Variants in THBS4 observed in about 807,000 individuals in gnomAD.
THBS4 encodes the protein thrombospondin 4.
A neutral mutation model predicts 115.7 loss-of-function variants in THBS4; 90 were observed. That is an observed-to-expected ratio of 0.78 (90% CI 0.66 to 0.93). The LOEUF (loss-of-function observed/expected upper bound fraction) is 0.93. Ranked by LOEUF, THBS4 falls within the 40% of genes least tolerant of loss-of-function variation. The pLI is 0.00. For missense variants in THBS4, 1,087 were observed against 1,232.7 expected, an observed-to-expected ratio of 0.88 and a Z score of 1.77; for synonymous variants, 460 against 479.3, an observed-to-expected ratio of 0.96 and a Z score of 0.53.
chr5:80,020,646 G>A (rs890445007), intron 2 of THBS4, among the ~76,000 whole-genome samples: 2 of 152,194 alleles, frequency 1.3e-5, no homozygotes, highest in African/African-American at 2.4e-5. Context: ...TTCCTCTGGT[G>A]TGATAGCAGC....
chr5:79,997,894 C>T (rs1173521180), intron 1 of THBS4, among the ~76,000 whole-genome samples: 23 of 152,104 alleles, frequency 1.5e-4, no homozygotes, highest in Non-Finnish European at 3.4e-4. Flanking sequence ...TCTACGTAAT[C>T]AGTGGGTCAG....
chr5:80,015,303 G>A (rs970251615), intron 2 of THBS4, among the ~76,000 whole-genome samples: 3 of 152,178 alleles, frequency 2.0e-5, no homozygotes, highest in Admixed American at 1.3e-4. Context: ...TCTCAGGTAT[G>A]GGCTTCCCTT....
intron 10 of THBS4, among the ~76,000 whole-genome samples, chr5:80,069,560 A>G (rs17883112): frequency 6.6e-6 from 1 of 152,376 alleles, no homozygotes; most frequent in Non-Finnish European, 1.5e-5. Context: ...AATAAGGCAC[A>G]ACGACAGATG....
intron 20 of THBS4, among the ~76,000 whole-genome samples, chr5:80,081,665 C>A (rs1743513123): frequency 6.6e-6 from 1 of 152,130 alleles, no homozygotes; most frequent in African/African-American, 2.4e-5. Flanking sequence ...TCTCAATTTA[C>A]CCTGGAAAAT....
At chr5:80,013,365 C>G (rs1329616949) in intron 2 of THBS4, among the ~76,000 whole-genome samples, 1 of 151,538 alleles carries the variant, frequency 6.6e-6, no homozygotes, top group African/African-American at 2.4e-5. Flanking sequence ...TCTCGAACTC[C>G]CGACCTCAGG....
chr5:80,055,644 T>G, intron 2 of THBS4, 141 bp from the exon 3 acceptor site: 1 of 1,202,712 alleles, frequency 8.3e-7, no homozygotes, highest in Non-Finnish European at 1.2e-6. Context: ...TGTGGTTATT[T>G]CTCACTCACA....
chr5:80,056,830 T>C (rs1247487541), intron 3 of THBS4, among the ~76,000 whole-genome samples: 1 of 152,220 alleles, frequency 6.6e-6, no homozygotes, highest in Non-Finnish European at 1.5e-5. Flanking sequence ...TCACTTTCCA[T>C]TTGTTAATTC....
chr5:80,077,287 G>A (rs116669301), intron 16 of THBS4, among the ~76,000 whole-genome samples: 3,298 of 152,310 alleles, frequency 0.022, 117 homozygotes, highest in African/African-American at 0.075. Context: ...ACCCTAGGAT[G>A]CCATCACACA....
chr5:80,058,410 C>T lies in THBS4; in HGVS notation c.649+96C>T, dbSNP rs140459506. 262 of 837,434 alleles carry T rather than the reference C, an allele frequency of 3.1e-4. 1 individual carries two copies. In the African/African-American group the frequency reaches 4.0e-3, roughly 13 times the overall value. The allele number at this position is 837,434 out of a possible 1,614,324, so 51.9% of individuals were successfully genotyped here. On this transcript the variant is annotated intron_variant, in intron 4 of 21. Coordinates refer to ENST00000350881, the MANE Select transcript of THBS4 (RefSeq NM_003248.6). ...CATCACCGAAAAGTGGGACTGTCAA[C>T]AGAGCAGCCCAACAAAACGTATCTA...
intron 1 of THBS4, 79 bp from the exon 2 acceptor site, chr5:80,039,998 A>ACC (rs546785395): frequency 2.5e-6 from 3 of 1,193,942 alleles, no homozygotes; most frequent in African/African-American, 1.5e-5. Context: ...GTCAAATTGC[A>ACC]CCCCCCCCAA....
chr5:80,037,890 C>T (rs77242196), intron 1 of THBS4, among the ~76,000 whole-genome samples: 506 of 152,258 alleles, frequency 3.3e-3, no homozygotes, highest in Non-Finnish European at 5.7e-3. Flanking sequence ...CAGTAGGCAA[C>T]AGTGTTTATG....
At chr5:80,031,871 C>T (rs2112006796), upstream of THBS4, among the ~76,000 whole-genome samples, 1 of 152,188 alleles carries the variant, frequency 6.6e-6, no homozygotes, top group Non-Finnish European at 1.5e-5. Flanking sequence ...ACCTACTGCA[C>T]CTATTAATGG....
At chr5:80,058,825 GTCT>G (rs764937762) in intron 5 of THBS4, 35 bp downstream of exon 5, 2 of 1,590,304 alleles carry the variant, frequency 1.3e-6, no homozygotes, top group South Asian at 2.3e-5. Context: ...AAAAGCCCTC[GTCT>G]TCTTAGAGCA....
At chr5:80,041,897 T>C (rs1403325626) in intron 2 of THBS4, among the ~76,000 whole-genome samples, 1 of 152,242 alleles carries the variant, frequency 6.6e-6, no homozygotes, top group African/African-American at 2.4e-5. Context: ...TCTTAGATTA[T>C]ATTTGTGATT....
intron 2 of THBS4, among the ~76,000 whole-genome samples, chr5:80,008,525 A>G (rs1832060832): frequency 6.6e-6 from 1 of 152,166 alleles, no homozygotes; most frequent in African/African-American, 2.4e-5. Flanking sequence ...AAGTATGGCA[A>G]CTATAATCTA....
intron 2 of THBS4, among the ~76,000 whole-genome samples, chr5:80,040,858 G>A (rs1832876763): frequency 6.6e-6 from 1 of 152,206 alleles, no homozygotes; most frequent in South Asian, 2.1e-4. Flanking sequence ...ACAACGTGGT[G>A]GAGAAGGTCA....
In THBS4 at chr5:80,059,807, C is replaced by T. The variant is rs766783255; in HGVS notation, c.889C>T (p.Arg297Ter). The T allele has an allele frequency of 5.6e-6, 9 of 1,614,056 alleles. No homozygotes were observed. Among genetic ancestry groups the T allele is most frequent in the African/African-American group, 1.3e-5 (1 of 74,926 alleles). The change falls in exon 7 of 22, where the codon CGA becomes TGA. Residue 297 changes from arginine (R) to a stop codon, truncating the protein, a stop_gained. Transcript: ENST00000350881. LOFTEE classifies it high-confidence loss of function. ...TCGGTGTGACTCCAACCCATGTTTC[C>T]GAGGTGTCCAATGTACCGACAGTAG... Reference protein sequence around the residue: ...PRRCDSNPCFRGVQCTDSRDG... With the variant: ...PRRCDSNPCF
chr5:79,996,466 A>G (rs1487330175), intron 1 of THBS4, among the ~76,000 whole-genome samples: 1 of 152,172 alleles, frequency 6.6e-6, no homozygotes, highest in Non-Finnish European at 1.5e-5. Flanking sequence ...TAGAAGAGGG[A>G]TGGTACCCTA....
rs762188225 is a variant in THBS4 at position 80,055,936 on chromosome 5, C to T, written c.444C>T (p.Ile148=). ...AGSLELYLDC[I]QVDSVHNLPR... is the part of the protein sequence containing the mutation. ...CCCTAGAGCTCTACCTGGACTGCATCCAGGTGGATTCCGTTCACAATCTCC... is the reference window on the plus strand; with the variant it reads ...CCCTAGAGCTCTACCTGGACTGCATTCAGGTGGATTCCGTTCACAATCTCC... Residue 148 remains isoleucine, a synonymous_variant, in exon 3 of 22, where the codon ATC becomes ATT. Transcript: ENST00000350881. The T allele has an allele frequency of 5.0e-6, 8 of 1,614,098 alleles. No homozygotes were observed. The highest frequency in any genetic ancestry group is 5.9e-6 in the Non-Finnish European group (7 of 1,180,050).
Sources: allele counts gnomAD v4.1 joint callset (sites outside exome capture counted in the v4.1 genomes callset), GRCh38; gene constraint gnomAD v4.1.1; transcripts MANE v1.5; gene names NCBI Gene and HGNC (gene_info 2026-07-23, HGNC 2026-07-21).